Variants in GRIP1 observed in about 807,000 individuals in gnomAD.
GRIP1 encodes the protein glutamate receptor-interacting protein 1.
A neutral mutation model predicts 129.9 loss-of-function variants in GRIP1; 45 were observed. The ratio of observed to expected loss-of-function variants is 0.35; its 90% CI spans 0.27 to 0.44. The LOEUF is 0.44. GRIP1 is among the 20% of genes least tolerant of loss of function. The probability of loss-of-function intolerance (pLI) is 1.00; values close to 1 mark genes in which losing one functional copy is unlikely to be tolerated. For synonymous variants in GRIP1, 530 were observed against 520.8 expected (o/e 1.02, Z -0.24); for missense variants, 1,196 against 1,396.8 (o/e 0.86, Z 2.29).
At chr12:66,566,384 T>G (rs1487313955) in intron 2 of GRIP1, among the ~76,000 whole-genome samples, 1 of 152,156 alleles carries the variant, frequency 6.6e-6, no homozygotes, top group Non-Finnish European at 1.5e-5. Flanking sequence ...AATCGTGTGG[T>G]TTTTGTCTTT....
chr12:66,393,197 G>C (rs1462566737), intron 17 of GRIP1, among the ~76,000 whole-genome samples: 1 of 4,872 alleles, frequency 2.1e-4, no homozygotes, highest in South Asian at 8.5e-3. Flanking sequence ...TTTTTTTTTT[G>C]AGACAGAGCC....
intron 19 of GRIP1, among the ~76,000 whole-genome samples, chr12:66,384,287 T>A (rs898318587): frequency 6.6e-6 from 1 of 152,134 alleles, no homozygotes; most frequent in Non-Finnish European, 1.5e-5. Flanking sequence ...AGCAAAAAAA[T>A]AAAATGAAAT....
chr12:66,459,482 C>T (rs544283269), intron 9 of GRIP1, among the ~76,000 whole-genome samples: 37 of 152,246 alleles, frequency 2.4e-4, no homozygotes, highest in African/African-American at 7.2e-4. Flanking sequence ...CCTTTTGACC[C>T]GCTTCTTCAT....
At chr12:66,480,030 C>T (rs1041129707) in intron 7 of GRIP1, among the ~76,000 whole-genome samples, 1 of 152,162 alleles carries the variant, frequency 6.6e-6, no homozygotes, top group African/African-American at 2.4e-5. Flanking sequence ...TGCCCTCTCT[C>T]ACCACTCCTA....
chr12:66,355,232 G>A (rs1336286084), intron 23 of GRIP1, among the ~76,000 whole-genome samples: 1 of 152,116 alleles, frequency 6.6e-6, no homozygotes, highest in East Asian at 1.9e-4. Flanking sequence ...GTGTGTGTGT[G>A]TGTGCACACA....
intron 1 of GRIP1, among the ~76,000 whole-genome samples, chr12:67,068,710 C>A (rs913161593): frequency 6.6e-6 from 1 of 151,088 alleles, no homozygotes; most frequent in Admixed American, 6.6e-5. Context: ...GCACCCACCC[C>A]ACAGACGGCC....
intron 1 of GRIP1, among the ~76,000 whole-genome samples, chr12:66,822,228 C>T (rs2039333725): frequency 6.6e-6 from 1 of 152,244 alleles, no homozygotes. Flanking sequence ...TTCTTATTTT[C>T]ACCTATGTTT....
At chr12:66,483,891 G>A (rs1360763026) in intron 7 of GRIP1, among the ~76,000 whole-genome samples, 3 of 148,982 alleles carry the variant, frequency 2.0e-5, no homozygotes, top group East Asian at 2.0e-4. Context: ...ACGGAGTCTC[G>A]CTCTGTCGCC....
chr12:66,385,536 CA>C (rs1361136453), intron 19 of GRIP1, among the ~76,000 whole-genome samples: 2 of 151,812 alleles, frequency 1.3e-5, no homozygotes, highest in African/African-American at 4.8e-5. Flanking sequence ...AACTCGGTCT[CA>C]AAAAATAAAA....
intron 1 of GRIP1, among the ~76,000 whole-genome samples, chr12:66,614,577 C>A (rs919425857): frequency 1.3e-5 from 2 of 152,094 alleles, no homozygotes; most frequent in Non-Finnish European, 2.9e-5. Context: ...TTCGAGACAA[C>A]CCCTGAAACT....
intron 1 of GRIP1, among the ~76,000 whole-genome samples, chr12:66,609,173 A>G (rs1486802379): frequency 6.6e-6 from 1 of 152,092 alleles, no homozygotes; most frequent in Non-Finnish European, 1.5e-5. Context: ...TAAGAATCAG[A>G]GACAGGATTC....
intron 1 of GRIP1, among the ~76,000 whole-genome samples, chr12:66,777,886 T>C (rs1420199843): frequency 6.6e-6 from 1 of 152,146 alleles, no homozygotes; most frequent in African/African-American, 2.4e-5. Context: ...CCCTATTATA[T>C]GTTATTACTT....
At chr12:66,410,381 C>CAG (rs1460135951) in intron 15 of GRIP1, among the ~76,000 whole-genome samples, 3 of 151,038 alleles carry the variant, frequency 2.0e-5, no homozygotes, top group Non-Finnish European at 4.4e-5. Flanking sequence ...CCTATAATCC[C>CAG]AGCACTTTGG....
At chr12:67,068,070 G>A (rs527574844) in intron 1 of GRIP1, among the ~76,000 whole-genome samples, 2 of 152,274 alleles carry the variant, frequency 1.3e-5, no homozygotes, top group South Asian at 2.1e-4. Flanking sequence ...CAGAGCCACC[G>A]TGCACATCCC....
intron 1 of GRIP1, among the ~76,000 whole-genome samples, chr12:66,688,273 C>T (rs577364859): frequency 3.9e-5 from 6 of 152,112 alleles, no homozygotes; most frequent in Non-Finnish European, 7.3e-5. Flanking sequence ...GCAGTTGTGT[C>T]TCTAAAATTC....
At chr12:66,935,580 A>G (rs545996712) in intron 1 of GRIP1, among the ~76,000 whole-genome samples, 15 of 152,312 alleles carry the variant, frequency 9.8e-5, no homozygotes, top group African/African-American at 3.6e-4. Context: ...CCATTGATAA[A>G]AGAACTTCAG....
chr12:66,856,256 A>C (rs1352458698), intron 1 of GRIP1, among the ~76,000 whole-genome samples: 2 of 152,172 alleles, frequency 1.3e-5, no homozygotes, highest in Non-Finnish European at 2.9e-5. Flanking sequence ...TTAGAACTAA[A>C]ACCATAAAAA....
Position 66,461,070 on chromosome 12 carries a change from G to A in GRIP1, c.1042+1854C>T, listed in dbSNP as rs983493612. Among the ~76,000 whole-genome samples the A allele has an allele frequency of 2.6e-5, 4 of 152,246 alleles. No homozygotes were observed. The South Asian group carries it at 8.3e-4, about 32-fold the overall frequency. ...AGTTTCCTATCCCTGCAACACAAAC[G>A]ACATCAGGTTTTCCACAATAAAGGC... On this transcript the variant is annotated intron_variant, in intron 9 of 24. Coordinates refer to ENST00000359742, the MANE Select transcript of GRIP1 (RefSeq NM_001366722.1).
At chr12:66,817,830 G>A (rs2039250898) in intron 1 of GRIP1, among the ~76,000 whole-genome samples, 1 of 152,128 alleles carries the variant, frequency 6.6e-6, no homozygotes, top group Non-Finnish European at 1.5e-5. Context: ...AAATGCCTAA[G>A]ACAGGCATTG....
Sources: gnomAD v4.1 joint callset for allele counts (sites outside exome capture counted in the v4.1 genomes callset) on GRCh38, gnomAD v4.1.1 for gene constraint, MANE v1.5 for transcripts, NCBI Gene and HGNC (gene_info 2026-07-23, HGNC 2026-07-21) for gene names.